HERC2: variants seen among roughly 807,000 people sequenced by gnomAD.
The protein encoded by HERC2 is HECT and RLD domain containing E3 ubiquitin protein ligase 2.
Under a neutral mutation model 537.7 loss-of-function variants are expected in HERC2, and 102 were observed. That is an observed-to-expected ratio of 0.19 (90% CI 0.16 to 0.22). HERC2 has a LOEUF of 0.22. Ranked by LOEUF, HERC2 falls within the 10% of genes least tolerant of loss-of-function variation. HERC2 has a pLI of 1.00. For synonymous variants in HERC2, 2,224 were observed against 2,466.2 expected (o/e 0.90, Z 2.91); for missense variants, 4,236 against 6,198.2 (o/e 0.68, Z 10.63).
chr15:28,127,345 CA>C (rs1889611577), intron 83 of HERC2, among the ~76,000 whole-genome samples: 1 of 152,190 alleles, frequency 6.6e-6, no homozygotes, highest in Non-Finnish European at 1.5e-5. Context: ...AGGAGCCACA[CA>C]GGGGAGGATG....
chr15:28,259,259 G>A (rs992078571), intron 16 of HERC2, among the ~76,000 whole-genome samples: 6 of 151,884 alleles, frequency 4.0e-5, no homozygotes, highest in African/African-American at 7.2e-5. Context: ...CAAGCTCGAC[G>A]AAATTTTTGT....
intron 3 of HERC2, among the ~76,000 whole-genome samples, chr15:28,294,887 T>A (rs1181531468): frequency 6.6e-6 from 1 of 151,640 alleles, no homozygotes; most frequent in Non-Finnish European, 1.5e-5. Context: ...AGGAATCTTC[T>A]AGGGTTATAA....
intron 20 of HERC2, among the ~76,000 whole-genome samples, chr15:28,249,804 C>T (rs7180381): frequency 0.075 from 11,275 of 151,114 alleles, 1,462 homozygotes; most frequent in African/African-American, 0.26. Context: ...CACGCCACCA[C>T]GCCAAGCTAA....
intron 10 of HERC2, 139 bp from the exon 11 acceptor site, chr15:28,269,575 T>C: frequency 1.5e-6 from 1 of 659,118 alleles, no homozygotes; most frequent in Non-Finnish European, 2.6e-6. Context: ...AAATAGCTCA[T>C]ACCAGCCTGT....
Position 28,114,792 on chromosome 15 carries a change from T to C in HERC2, c.13733A>G (p.Asp4578Gly), listed in dbSNP as rs2142042639. The C allele has an allele frequency of 6.2e-7, 1 of 1,613,672 alleles. No individual in the cohort carries two copies. Among genetic ancestry groups the C allele is most frequent in the African/African-American group, 1.3e-5 (1 of 74,828 alleles). The part of the protein sequence containing the change: ...TIADLSEVDK[D>G]FIPGLMYIRD... ...GATGTACATGAGTCCAGGAATAAAA[T>C]CCTTATCAACCTTTTAAGGAGAAAA... The change falls in exon 90 of 93, where the codon GAT (aspartate) becomes GGT (glycine). Residue 4578 changes from aspartate to glycine, a missense_variant. Around this residue, in one of 27 missense-constraint regions of HERC2, gnomAD observed 313 missense variants for 462.6 expected, o/e 0.68. Coordinates refer to ENST00000261609, the MANE Select transcript of HERC2 (RefSeq NM_004667.6).
At chr15:28,144,622 A>G in intron 72 of HERC2, 51 bp downstream of exon 72, 1 of 1,612,910 alleles carries the variant, frequency 6.2e-7, no homozygotes, top group Non-Finnish European at 8.5e-7. Context: ...TGCTCCAGAA[A>G]CAATCCACAG....
Position 28,274,394 on chromosome 15 carries a change from G to A in HERC2, c.697C>T (p.Arg233Ter). ...AAGAGCGAGGCCTCGGGAAGTGCTC[G>A]CAGGGCGTCCAGGGACTCCTGCAAC... Reference protein sequence around the residue: ...ELLQESLDALRALPEASLFDE... With the variant: ...ELLQESLDAL The change falls in exon 7 of 93, where the codon CGA becomes TGA. Residue 233 changes from arginine (R) to a stop codon, truncating the protein, a stop_gained. Transcript: ENST00000261609. LOFTEE classifies it high-confidence loss of function. The A allele has an allele frequency of 6.2e-7, 1 of 1,613,972 alleles. No homozygotes were observed. Among genetic ancestry groups the A allele is most frequent in the Non-Finnish European group, 8.5e-7 (1 of 1,179,920 alleles).
chr15:28,163,291 T>C lies in HERC2; in HGVS notation c.10555-6A>G. 6.2e-7 allele frequency: 1 copy of C among 1,609,502 alleles called. No individual in the cohort carries two copies. Among genetic ancestry groups the C allele is most frequent in the Non-Finnish European group, 8.5e-7 (1 of 1,178,712 alleles). ...TTATTTTGGCTTTCAACATCCTAAGTCAAATGACATCCAACAATTAACATG... is the reference window on the plus strand; with the variant it reads ...TTATTTTGGCTTTCAACATCCTAAGCCAAATGACATCCAACAATTAACATG... On this transcript the variant is annotated splice_polypyrimidine_tract_variant and splice_region_variant and intron_variant, in intron 68 of 92. Transcript: ENST00000261609.
chr15:28,169,131 ACT>A (rs1894445357), intron 66 of HERC2, among the ~76,000 whole-genome samples: 1 of 152,236 alleles, frequency 6.6e-6, no homozygotes, highest in Non-Finnish European at 1.5e-5. Flanking sequence ...CACTGGCAAA[ACT>A]CAGCCTTCTC....
chr15:28,307,622 A>C (rs1326987704), intron 2 of HERC2, among the ~76,000 whole-genome samples: 3 of 152,162 alleles, frequency 2.0e-5, no homozygotes, highest in African/African-American at 7.2e-5. Context: ...TCAGGAGCAT[A>C]TTGTTTAATT....
intron 44 of HERC2, among the ~76,000 whole-genome samples, chr15:28,209,721 G>A (rs1369136579): frequency 6.6e-6 from 1 of 151,992 alleles, no homozygotes; most frequent in Non-Finnish European, 1.5e-5. Context: ...TTTATAGAAG[G>A]GCCTTAAGCA....
chr15:28,116,214 T>C (rs943948221), intron 88 of HERC2, among the ~76,000 whole-genome samples: 2 of 112,722 alleles, frequency 1.8e-5, no homozygotes, highest in African/African-American at 5.5e-5. Context: ...TAAAAGTCTT[T>C]TCTTTTTCTT....
intron 5 of HERC2, among the ~76,000 whole-genome samples, chr15:28,277,463 T>TAAAAAAA (rs34192629): frequency 7.3e-6 from 1 of 137,548 alleles, no homozygotes. Flanking sequence ...CACAATTATC[T>TAAAAAAA]AAAAAAAAAA....
intron 78 of HERC2, among the ~76,000 whole-genome samples, chr15:28,139,913 A>AAAG (rs796286430): frequency 6.7e-6 from 1 of 148,560 alleles, no homozygotes; most frequent in Non-Finnish European, 1.5e-5. Flanking sequence ...AAAAAAAAAA[A>AAAG]AAAGATTAGC....
In HERC2 at chr15:28,274,341, C is replaced by G. The variant is rs749555303; in HGVS notation, c.750G>C (p.Trp250Cys). ...TGGTCGCTCTCTCCACCACCTCCAG[C>G]CACACAGAGGACACGGTGCTCTCGT... The part of the protein sequence containing the change: ...LFDESTVSSV[W>C]LEVVERATRF... Residue 250 changes from tryptophan to cysteine, a missense_variant, in exon 7 of 93, where the codon TGG (tryptophan) becomes TGC (cysteine). Physicochemically the swap from Trp to Cys is radical, Grantham distance 215. Around this residue, in one of 27 missense-constraint regions of HERC2, gnomAD observed 491 missense variants for 559.3 expected, o/e 0.88. Coordinates refer to ENST00000261609, the MANE Select transcript of HERC2 (RefSeq NM_004667.6). The G allele has an allele frequency of 2.5e-6, 4 of 1,614,130 alleles. No individual in the cohort carries two copies. Among genetic ancestry groups the G allele is most frequent in the Non-Finnish European group, 3.4e-6 (4 of 1,180,028 alleles).
chr15:28,277,463 T>A (rs1481038560), intron 5 of HERC2, among the ~76,000 whole-genome samples: 8 of 137,540 alleles, frequency 5.8e-5, no homozygotes, highest in Non-Finnish European at 4.6e-5. Flanking sequence ...CACAATTATC[T>A]AAAAAAAAAA....
chr15:28,178,891 G>T lies in HERC2; in HGVS notation c.9159C>A (p.His3053Gln). The T allele has an allele frequency of 6.2e-7, 1 of 1,613,492 alleles. No individual in the cohort carries two copies. Among genetic ancestry groups the T allele is most frequent in the Non-Finnish European group, 8.5e-7 (1 of 1,179,966 alleles). Reference sequence around the variant, plus strand: ...CTCCTGGTGCTTGGCTTGTACCTGAGTGAACAGCCACCTTCTTGACCACGT... The same window carrying T: ...CTCCTGGTGCTTGGCTTGTACCTGATTGAACAGCCACCTTCTTGACCACGT... ...SSYVVKKVAV[H>Q]SGGRHATALT... is the part of the protein sequence containing the mutation. The change falls in exon 59 of 93, where the codon CAC (histidine) becomes CAA (glutamine). Residue 3053 changes from histidine to glutamine, a missense_variant. Physicochemically the swap from His to Gln is conservative, Grantham distance 24. This residue lies in a region of HERC2 where 606 missense variants were observed against 884.5 expected (regional missense o/e 0.69). Coordinates refer to ENST00000261609, the MANE Select transcript of HERC2 (RefSeq NM_004667.6).
chr15:28,174,052 T>C (rs1187707587), intron 65 of HERC2, among the ~76,000 whole-genome samples: 1 of 152,056 alleles, frequency 6.6e-6, no homozygotes, highest in Non-Finnish European at 1.5e-5. Flanking sequence ...CAGTTTATTA[T>C]ATGTCAATTA....
At chr15:28,217,643 G>A (rs566080627) in intron 38 of HERC2, among the ~76,000 whole-genome samples, 40 of 152,210 alleles carry the variant, frequency 2.6e-4, no homozygotes, top group African/African-American at 9.2e-4. Flanking sequence ...ACATACATTC[G>A]GAACCTCAGA....
Sources: gnomAD v4.1 joint callset for allele counts (sites outside exome capture counted in the v4.1 genomes callset) on GRCh38, gnomAD v4.1.1 for gene constraint, gnomAD v4.1.1 regional missense constraint, MANE v1.5 for transcripts, NCBI Gene and HGNC (gene_info 2026-07-23, HGNC 2026-07-21) for gene names.